Variants in MYCBP2 observed in about 807,000 individuals in gnomAD.
MYCBP2 encodes the protein MYC binding protein 2, also known as E3 ubiquitin-protein ligase MYCBP2.
MYCBP2 carries 120 observed loss-of-function variants against 525.3 expected under a neutral mutation model. That is an observed-to-expected ratio of 0.23 (90% CI 0.20 to 0.27). The LOEUF is 0.27. MYCBP2 is among the 10% of genes least tolerant of loss of function. MYCBP2 has a pLI of 1.00. For synonymous variants in MYCBP2, 1,894 were observed against 1,955.8 expected (o/e 0.97, Z 0.83); for missense variants, 4,149 against 5,657.1 (o/e 0.73, Z 8.55).
intron 62 of MYCBP2, among the ~76,000 whole-genome samples, chr13:77,085,295 G>A (rs1338605224): frequency 6.6e-6 from 1 of 151,840 alleles, no homozygotes; most frequent in Non-Finnish European, 1.5e-5. Flanking sequence ...TAAAGACTGA[G>A]GACATGGTGG....
chr13:77,166,966 A>AATACACACAT (rs1457724056), intron 40 of MYCBP2, among the ~76,000 whole-genome samples: 46 of 123,960 alleles, frequency 3.7e-4, no homozygotes, highest in African/African-American at 1.4e-3. Context: ...TCAAAGACAA[A>AATACACACAT]ACACACACAT....
chr13:77,109,172 C>A (rs2048361595), intron 55 of MYCBP2, among the ~76,000 whole-genome samples: 1 of 152,114 alleles, frequency 6.6e-6, no homozygotes, highest in South Asian at 2.1e-4. Context: ...ACACAATGGT[C>A]CCCTAACTTT....
At chr13:77,180,477 T>C (rs956663774) in intron 33 of MYCBP2, among the ~76,000 whole-genome samples, 159 bp from the exon 34 acceptor site, 2 of 152,254 alleles carry the variant, frequency 1.3e-5, no homozygotes, top group Non-Finnish European at 2.9e-5. Context: ...CACTTTTCAC[T>C]TAGAAGTTCT....
Position 77,120,287 on chromosome 13 carries a change from G to A in MYCBP2, c.8140+1086C>T, listed in dbSNP as rs75748267. Among the ~76,000 whole-genome samples the A allele has an allele frequency of 4.5e-3, 681 of 152,166 alleles. 5 individuals are homozygous for A. The highest frequency in any genetic ancestry group is 0.015 in the African/African-American group (636 of 41,510). On this transcript the variant is annotated intron_variant, in intron 55 of 82. Transcript: ENST00000544440. ...TGGAAATCAGGTACCCGAAGTAAGC[G>A]AGCAGATGATACCCAATCCTATGAG...
At chr13:77,129,248 A>C in intron 52 of MYCBP2, 1 of 397,640 alleles carries the variant, frequency 2.5e-6, no homozygotes, top group Non-Finnish European at 4.4e-6. Flanking sequence ...ACAAAGTTTA[A>C]GAAAGAAAAA....
At chr13:77,059,408 A>G in intron 77 of MYCBP2, 115 bp downstream of exon 77, 2 of 780,190 alleles carry the variant, frequency 2.6e-6, no homozygotes, top group Non-Finnish European at 4.5e-6. Context: ...TCACATAGGT[A>G]ATACACTCAT....
At chr13:77,282,411 G>GAAAA (rs35046756) in intron 3 of MYCBP2, among the ~76,000 whole-genome samples, 1 of 108,430 alleles carries the variant, frequency 9.2e-6, no homozygotes, top group African/African-American at 3.5e-5. Context: ...ACTCCATCTT[G>GAAAA]AAAAAAAAAA....
In MYCBP2 at chr13:77,260,507, A is replaced by G. The variant is rs1020281824; in HGVS notation, c.1938T>C (p.Asn646=). 6.2e-7 allele frequency: 1 copy of G among 1,611,522 alleles called. No individual in the cohort carries two copies. Among genetic ancestry groups the G allele is most frequent in the Non-Finnish European group, 8.5e-7 (1 of 1,178,580 alleles). Residue 646 remains asparagine (N), a synonymous_variant, in exon 13 of 83, where the codon AAT becomes AAC. Transcript: ENST00000544440. The stretch of plus-strand genomic sequence containing the variant: ...TAGAAATAACAGAACTACTTCCATT[A>G]TTGCAGGCTGTATATACCACAATCT... ...EGKIVVYTAC[N]NGSSSVISKD... is the part of the protein sequence containing the mutation.
intron 82 of MYCBP2, among the ~76,000 whole-genome samples, chr13:77,047,917 C>A (rs1472781762): frequency 6.6e-6 from 1 of 152,074 alleles, no homozygotes; most frequent in Non-Finnish European, 1.5e-5. Context: ...CTCACGGGAG[C>A]ATCCTGTTTG....
At chr13:77,164,936 C>T (rs1259353107) in intron 42 of MYCBP2, among the ~76,000 whole-genome samples, 1 of 152,208 alleles carries the variant, frequency 6.6e-6, no homozygotes, top group Non-Finnish European at 1.5e-5. Context: ...GGTCATGTTG[C>T]ACAAACTCCA....
chr13:77,244,945 G>T (rs770051287), intron 15 of MYCBP2, among the ~76,000 whole-genome samples: 1 of 152,012 alleles, frequency 6.6e-6, no homozygotes, highest in Non-Finnish European at 1.5e-5. Context: ...AAAAGTGGGC[G>T]AAGGATAAGA....
chr13:77,054,358 C>T (rs549800236), intron 80 of MYCBP2, among the ~76,000 whole-genome samples: 3 of 151,956 alleles, frequency 2.0e-5, no homozygotes, highest in South Asian at 2.1e-4. Context: ...ACTGGGCTAC[C>T]GTATTATAAG....
At chr13:77,255,542 A>G (rs897823798) in intron 14 of MYCBP2, among the ~76,000 whole-genome samples, 2 of 151,946 alleles carry the variant, frequency 1.3e-5, no homozygotes, top group African/African-American at 4.8e-5. Context: ...TTCATATTAT[A>G]TATTAAAAAA....
chr13:77,079,002 C>T, intron 65 of MYCBP2, 113 bp from the exon 66 acceptor site: 1 of 854,756 alleles, frequency 1.2e-6, no homozygotes, highest in South Asian at 1.5e-5. Flanking sequence ...CTCTTATGGT[C>T]CTTCCTGATT....
chr13:77,233,054 A>G, intron 18 of MYCBP2, 102 bp downstream of exon 18: 1 of 963,622 alleles, frequency 1.0e-6, no homozygotes. Context: ...GATAGAAGCA[A>G]AGTAGAAGAA....
chr13:77,067,613 T>C lies in MYCBP2; in HGVS notation c.12423A>G (p.Thr4141=), dbSNP rs758016005. The change falls in exon 71 of 83, where the codon ACA becomes ACG. Residue 4141 remains threonine (T), a synonymous_variant. Transcript: ENST00000544440. ...TGAAAATCATCGGAAGAGTAACTGTTGTAACTCCTTTGCCCACAGTGGTAC... is the reference window on the plus strand; with the variant it reads ...TGAAAATCATCGGAAGAGTAACTGTCGTAACTCCTTTGCCCACAGTGGTAC... ...TAGTTVGKGV[T]TVTLPMIFNS... 5.6e-6 allele frequency: 9 copies of C among 1,614,078 alleles called. No individual in the cohort carries two copies. The highest frequency in any genetic ancestry group is 2.2e-5 in the East Asian group (1 of 44,898).
chr13:77,257,500 C>T (rs1486966140), intron 14 of MYCBP2, among the ~76,000 whole-genome samples, 171 bp downstream of exon 14: 1 of 151,716 alleles, frequency 6.6e-6, no homozygotes, highest in Admixed American at 6.6e-5. Flanking sequence ...TCATGTACCC[C>T]ATACATATAC....
In MYCBP2 at chr13:77,326,861, G is replaced by A. The variant is rs1171893085; in HGVS notation, c.-86C>T. ...CGCGCACACACAGCCCTTTTCCAAC[G>A]ACGACGGCTCCGGCGGCGGCCTCTG... On this transcript the variant is annotated 5_prime_UTR_variant, in exon 1 of 83. Coordinates refer to ENST00000544440, the MANE Select transcript of MYCBP2 (RefSeq NM_015057.5). The surrounding 1 kb of genome is among the most constrained non-coding windows in gnomAD (Gnocchi z 4.2). 1.6e-6 allele frequency: 2 copies of A among 1,272,610 alleles called. No individual in the cohort carries two copies. Among genetic ancestry groups the A allele is most frequent in the Non-Finnish European group, 2.0e-6 (2 of 996,382 alleles). 78.8% of individuals were successfully genotyped at this position (1,272,610 alleles called of 1,614,324 possible).
intron 48 of MYCBP2, among the ~76,000 whole-genome samples, chr13:77,145,267 T>G (rs1186425164): frequency 6.6e-6 from 1 of 152,194 alleles, no homozygotes; most frequent in East Asian, 1.9e-4. Context: ...AATCTCTCAG[T>G]AGCATCTGAT....
Sources: allele counts gnomAD v4.1 joint callset (sites outside exome capture counted in the v4.1 genomes callset), GRCh38; gene constraint gnomAD v4.1.1; non-coding constraint Gnocchi (gnomAD v3.1); transcripts MANE v1.5; gene names NCBI Gene and HGNC (gene_info 2026-07-23, HGNC 2026-07-21).